Variants in ODAD2 observed in about 807,000 individuals in gnomAD.
ODAD2 encodes outer dynein arm-docking complex subunit 2.
A neutral mutation model predicts 106.8 loss-of-function variants in ODAD2; 89 were observed. The observed-to-expected ratio is 0.83, with a 90% CI of 0.70 to 0.99. ODAD2 has a LOEUF of 0.99. ODAD2 is among the 50% of genes least tolerant of loss of function. The probability of loss-of-function intolerance (pLI) is 0.00; values close to 1 mark genes in which losing one functional copy is unlikely to be tolerated. For missense variants in ODAD2, 1,168 were observed against 1,238.5 expected (o/e 0.94, Z 0.85); for synonymous variants, 404 against 436.2 (o/e 0.93, Z 0.92).
intron 19 of ODAD2, among the ~76,000 whole-genome samples, chr10:27,817,815 T>C (rs1344548846): frequency 3.3e-5 from 5 of 152,170 alleles, no homozygotes; most frequent in Non-Finnish European, 7.3e-5. Flanking sequence ...CAGGTATGTT[T>C]TTGACACCGT....
At chr10:27,884,191 G>A (rs557297089) in intron 17 of ODAD2, among the ~76,000 whole-genome samples, 1 of 152,136 alleles carries the variant, frequency 6.6e-6, no homozygotes, top group East Asian at 1.9e-4. Flanking sequence ...TCAAACAAGG[G>A]AACCTCATTA....
At chr10:27,882,174 A>AAAGAAAGAAAGG (rs1841761410) in intron 17 of ODAD2, among the ~76,000 whole-genome samples, 1 of 29,220 alleles carries the variant, frequency 3.4e-5, no homozygotes, top group African/African-American at 1.5e-4. Flanking sequence ...TCATAAAAAA[A>AAAGAAAGAAAGG]AAGAAAGAAA....
At chr10:27,885,537 TATATATATATAAATATATAA>T (rs1842042812) in intron 17 of ODAD2, among the ~76,000 whole-genome samples, 1 of 19,686 alleles carries the variant, frequency 5.1e-5, no homozygotes, top group Non-Finnish European at 9.5e-5. Context: ...AAAAAAAATA[TATATATATATAAATATATAA>T]ATATAAATAT....
chr10:27,955,698 T>TA (rs1847676349), intron 10 of ODAD2, among the ~76,000 whole-genome samples: 1 of 21,996 alleles, frequency 4.5e-5, no homozygotes, highest in South Asian at 1.5e-3. Flanking sequence ...CCAATTAAGG[T>TA]GTGTGTGTGT....
intron 16 of ODAD2, among the ~76,000 whole-genome samples, chr10:27,913,464 A>T (rs1044373491): frequency 2.0e-5 from 3 of 152,332 alleles, no homozygotes; most frequent in African/African-American, 7.2e-5. Flanking sequence ...CAATTACAAC[A>T]GAATAAAAAT....
rs375494405 is a variant in ODAD2 at position 27,988,671 on chromosome 10, C to T, written c.225-1128G>A. 1.9e-4 allele frequency among the ~76,000 whole-genome samples: 29 copies of T among 152,086 alleles called. 2 individuals are homozygous for T. The East Asian group carries it at 2.9e-3, about 15-fold the overall frequency. ...CATATTTTGAATTGCAATGTAGATA[C>T]ATAGATGTAAAATGTTGCTAGTTCA... On this transcript the variant is annotated intron_variant, in intron 2 of 19. Transcript: ENST00000305242.
intron 17 of ODAD2, among the ~76,000 whole-genome samples, chr10:27,873,826 T>C (rs1488534970): frequency 6.6e-6 from 1 of 152,248 alleles, no homozygotes; most frequent in African/African-American, 2.4e-5. Context: ...GAAGAATGCA[T>C]ATTCTGTTGA....
intron 18 of ODAD2, 89 bp from the exon 19 acceptor site, chr10:27,860,935 A>G: frequency 9.0e-7 from 1 of 1,116,438 alleles, no homozygotes; most frequent in Non-Finnish European, 1.3e-6. Flanking sequence ...TTAACCATTA[A>G]GACACCAATG....
At chr10:27,844,999 G>A (rs940641330) in intron 19 of ODAD2, among the ~76,000 whole-genome samples, 1 of 152,132 alleles carries the variant, frequency 6.6e-6, no homozygotes, top group African/African-American at 2.4e-5. Flanking sequence ...AGTGCTCCTG[G>A]ATATTTTAGA....
intron 17 of ODAD2, among the ~76,000 whole-genome samples, chr10:27,877,634 C>T (rs1389323086): frequency 1.3e-5 from 2 of 152,126 alleles, no homozygotes; most frequent in Admixed American, 1.3e-4. Flanking sequence ...AGTAATTATT[C>T]TGCCAAAACT....
rs550470306 is a variant in ODAD2 at position 27,952,456 on chromosome 10, G to A, written c.1387-7494C>T. ...CAGAACGTGCAGGTTTGTTACATAG[G>A]TAAACGTGTGCCATGTGGTTTGCTG... On this transcript the variant is annotated intron_variant, in intron 10 of 19. Transcript: ENST00000305242. Among the ~76,000 whole-genome samples the A allele has an allele frequency of 4.0e-5, 6 of 151,660 alleles. No individual in the cohort carries two copies. In the East Asian group the frequency reaches 1.2e-3, roughly 29 times the overall value.
At chr10:27,988,060 C>T (rs1849989822) in intron 2 of ODAD2, among the ~76,000 whole-genome samples, 1 of 149,964 alleles carries the variant, frequency 6.7e-6, no homozygotes, top group South Asian at 2.1e-4. Context: ...GAATTCCTTT[C>T]CCACTCTAAA....
At chr10:27,971,059 GT>G (rs1166956368) in intron 8 of ODAD2, 48 bp downstream of exon 8, 1 of 1,128,576 alleles carries the variant, frequency 8.9e-7, no homozygotes, top group East Asian at 2.5e-5. Flanking sequence ...AATTAGGTGA[GT>G]ATGGTTACTA....
At chr10:27,993,315 T>A (rs760199310) in intron 2 of ODAD2, among the ~76,000 whole-genome samples, 1 of 152,206 alleles carries the variant, frequency 6.6e-6, no homozygotes, top group African/African-American at 2.4e-5. Flanking sequence ...CTGGAGAAAG[T>A]TACCACTGGC....
chr10:27,970,907 A>G (rs1848805254), intron 8 of ODAD2, among the ~76,000 whole-genome samples: 1 of 151,986 alleles, frequency 6.6e-6, no homozygotes, highest in African/African-American at 2.4e-5. Flanking sequence ...AGGAGGCAGA[A>G]GTTGCAGTGA....
intron 19 of ODAD2, among the ~76,000 whole-genome samples, chr10:27,827,161 C>G (rs1564401560): frequency 6.6e-6 from 1 of 152,038 alleles, no homozygotes; most frequent in Middle Eastern, 3.4e-3. Flanking sequence ...AGTATTTTCA[C>G]CTCTTTAATA....
intron 19 of ODAD2, among the ~76,000 whole-genome samples, chr10:27,857,559 T>C (rs1419528309): frequency 6.6e-6 from 1 of 152,230 alleles, no homozygotes; most frequent in East Asian, 1.9e-4. Context: ...GAAAATTTAA[T>C]ATTACATACA....
intron 17 of ODAD2, among the ~76,000 whole-genome samples, chr10:27,864,609 TGAGAGTGGGGAGTGAGGG>T (rs1840308214): frequency 8.1e-6 from 1 of 124,104 alleles, no homozygotes; most frequent in Non-Finnish European, 1.7e-5. Context: ...GGGAGTGAGG[TGAGAGTGGGGAGTGAGGG>T]GAGAGTGAGG....
chr10:27,822,422 C>T (rs1056362355), intron 19 of ODAD2, among the ~76,000 whole-genome samples: 2 of 152,266 alleles, frequency 1.3e-5, no homozygotes, highest in African/African-American at 4.8e-5. Context: ...ATCTTAAGTG[C>T]CCAGAGCTGA....
Sources: allele counts gnomAD v4.1 joint callset (sites outside exome capture counted in the v4.1 genomes callset), GRCh38; gene constraint gnomAD v4.1.1; transcripts MANE v1.5; gene names NCBI Gene and HGNC (gene_info 2026-07-23, HGNC 2026-07-21).